Variants in FARS2 observed in about 807,000 individuals in gnomAD.
FARS2 encodes phenylalanine--tRNA ligase, mitochondrial.
Under a neutral mutation model 46.4 loss-of-function variants are expected in FARS2, and 40 were observed. The ratio of observed to expected loss-of-function variants is 0.86; its 90% CI spans 0.67 to 1.12. FARS2 has a LOEUF of 1.12. Among genes scored for constraint, FARS2 ranks in the 50% most tolerant of loss-of-function variants. The probability of loss-of-function intolerance (pLI) is 0.00; values close to 1 mark genes in which losing one functional copy is unlikely to be tolerated. For synonymous variants in FARS2, 234 were observed against 214.9 expected (o/e 1.09, Z -0.78); for missense variants, 513 against 567.9 (o/e 0.90, Z 0.98).
chr6:5,389,956 C>T (rs1056028618), intron 2 of FARS2, among the ~76,000 whole-genome samples: 1 of 152,176 alleles, frequency 6.6e-6, no homozygotes, highest in Non-Finnish European at 1.5e-5. Context: ...CCTCTGCCTC[C>T]TGGGTTCAAG....
chr6:5,486,104 G>A (rs1411354800), intron 4 of FARS2, among the ~76,000 whole-genome samples: 5 of 152,178 alleles, frequency 3.3e-5, no homozygotes, highest in Non-Finnish European at 7.3e-5. Flanking sequence ...ATATGGCAAG[G>A]ATTTAATGAA....
chr6:5,291,991 G>A (rs1241609703), intron 1 of FARS2, among the ~76,000 whole-genome samples: 1 of 152,162 alleles, frequency 6.6e-6, no homozygotes, highest in East Asian at 1.9e-4. Context: ...TAGGTAGACA[G>A]ATACATGCTG....
chr6:5,524,988 C>CTAAA (rs1381781706), intron 4 of FARS2, among the ~76,000 whole-genome samples: 25 of 152,142 alleles, frequency 1.6e-4, no homozygotes, highest in Admixed American at 1.6e-3. Context: ...CTACTTTCTA[C>CTAAA]TAAAGAGCTG....
At chr6:5,624,685 G>C (rs748950301) in intron 6 of FARS2, among the ~76,000 whole-genome samples, 20 of 152,288 alleles carry the variant, frequency 1.3e-4, no homozygotes, top group Non-Finnish European at 2.6e-4. Flanking sequence ...TGAGGGATGA[G>C]AGTAACTCAC....
intron 6 of FARS2, among the ~76,000 whole-genome samples, chr6:5,636,291 G>A (rs1776542300): frequency 6.6e-6 from 1 of 152,206 alleles, no homozygotes; most frequent in African/African-American, 2.4e-5. Flanking sequence ...TACAGAACCT[G>A]AGCTTCTGCA....
chr6:5,609,765 T>C (rs1453908287), intron 5 of FARS2: 1 of 1,505,594 alleles, frequency 6.6e-7, no homozygotes, highest in Non-Finnish European at 9.1e-7. Context: ...TTCTTGCCAC[T>C]GCCTCGGTCA....
chr6:5,276,491 A>G (rs1277259688), intron 1 of FARS2, among the ~76,000 whole-genome samples: 1 of 152,230 alleles, frequency 6.6e-6, no homozygotes, highest in South Asian at 2.1e-4. Context: ...ATACTGAGAC[A>G]TATGGTCACT....
In FARS2 at chr6:5,283,823, T is replaced by C. The variant is rs143405350; in HGVS notation, c.-22+22163T>C. ...CCTTATTCTTAATTTACTTAGCCAGTCCCCAATCAATAAAAATTTGTTTCC... is the reference window on the plus strand; with the variant it reads ...CCTTATTCTTAATTTACTTAGCCAGCCCCCAATCAATAAAAATTTGTTTCC... On this transcript the variant is annotated intron_variant, in intron 1 of 6. Coordinates refer to ENST00000274680, the MANE Select transcript of FARS2 (RefSeq NM_006567.5). Among the ~76,000 whole-genome samples the C allele has an allele frequency of 3.5e-3, 536 of 152,254 alleles. 1 individual carries two copies. Among genetic ancestry groups the C allele is most frequent in the African/African-American group, 0.012 (505 of 41,538 alleles).
At chr6:5,666,153 A>G (rs890942424) in intron 6 of FARS2, among the ~76,000 whole-genome samples, 1 of 152,196 alleles carries the variant, frequency 6.6e-6, no homozygotes, top group Non-Finnish European at 1.5e-5. Flanking sequence ...TGGGTACCTC[A>G]TGTGTGCAGT....
rs912674669 is a variant in FARS2, at chr6:5,763,773, T to G, written c.1218-7518T>G. 7.8e-4 allele frequency among the ~76,000 whole-genome samples: 118 copies of G among 151,644 alleles called. 1 individual carries two copies. The highest frequency in any genetic ancestry group is 2.5e-3 in the African/African-American group (103 of 41,418). ...TCATCTTCTCTTCCCTTTTGGTTTT[T>G]TTTTTTTTTTTTTAACATAGAGAAG... On this transcript the variant is annotated intron_variant, in intron 6 of 6. Coordinates refer to ENST00000274680, the MANE Select transcript of FARS2 (RefSeq NM_006567.5).
chr6:5,321,449 G>A (rs970837441), intron 1 of FARS2, among the ~76,000 whole-genome samples: 1 of 152,128 alleles, frequency 6.6e-6, no homozygotes. Flanking sequence ...TCGCCTGTGG[G>A]ATGTGTTGGG....
At chr6:5,688,486 T>C (rs1296810453) in intron 6 of FARS2, among the ~76,000 whole-genome samples, 1 of 152,260 alleles carries the variant, frequency 6.6e-6, no homozygotes, top group African/African-American at 2.4e-5. Flanking sequence ...TGGTTCTGTT[T>C]ATATGCTGGA....
chr6:5,370,559 C>T (rs973288184), intron 2 of FARS2, among the ~76,000 whole-genome samples: 24 of 152,178 alleles, frequency 1.6e-4, no homozygotes, highest in Admixed American at 6.5e-4. Flanking sequence ...AGTAATATGA[C>T]GTCCAGGTCA....
intron 2 of FARS2, among the ~76,000 whole-genome samples, chr6:5,394,558 T>G (rs1760777834): frequency 6.6e-6 from 1 of 152,192 alleles, no homozygotes; most frequent in South Asian, 2.1e-4. Context: ...TACATATATG[T>G]ACATATAAAA....
intron 1 of FARS2, among the ~76,000 whole-genome samples, chr6:5,304,144 A>G (rs1768527049): frequency 6.6e-6 from 1 of 152,202 alleles, no homozygotes; most frequent in Non-Finnish European, 1.5e-5. Flanking sequence ...GCTTAGAAAT[A>G]AAGAAGGGAA....
chr6:5,478,021 GA>G (rs1766224700), intron 4 of FARS2, among the ~76,000 whole-genome samples: 1 of 151,900 alleles, frequency 6.6e-6, no homozygotes, highest in Non-Finnish European at 1.5e-5. Context: ...CCCTGTCTCA[GA>G]AAACAAACAA....
chr6:5,285,481 TC>T (rs1040335662), intron 1 of FARS2, among the ~76,000 whole-genome samples: 1 of 152,230 alleles, frequency 6.6e-6, no homozygotes, highest in African/African-American at 2.4e-5. Flanking sequence ...AATGCTGTTC[TC>T]AGCTACTTTT....
intron 4 of FARS2, among the ~76,000 whole-genome samples, chr6:5,504,639 T>C (rs1398833719): frequency 6.6e-6 from 1 of 152,090 alleles, no homozygotes; most frequent in African/African-American, 2.4e-5. Flanking sequence ...CAAGCTCGTA[T>C]CAAACACAAA....
At chr6:5,661,601 C>T (rs999879819) in intron 6 of FARS2, among the ~76,000 whole-genome samples, 1 of 152,046 alleles carries the variant, frequency 6.6e-6, no homozygotes, top group Non-Finnish European at 1.5e-5. Context: ...GCAGGAGTAG[C>T]CAACATCACT....
Sources: allele counts gnomAD v4.1 joint callset (sites outside exome capture counted in the v4.1 genomes callset), GRCh38; gene constraint gnomAD v4.1.1; transcripts MANE v1.5; gene names NCBI Gene and HGNC (gene_info 2026-07-23, HGNC 2026-07-21).